ADCY7: variants seen among roughly 807,000 people sequenced by gnomAD.
ADCY7 encodes adenylate cyclase 7.
Under a neutral mutation model 120.6 loss-of-function variants are expected in ADCY7, and 72 were observed. The observed-to-expected ratio is 0.60, with a 90% CI of 0.49 to 0.73. The LOEUF (loss-of-function observed/expected upper bound fraction) is 0.73, where lower values mean the gene tolerates loss of function less well. ADCY7 is among the 30% of genes least tolerant of loss of function. The pLI, the probability that ADCY7 is intolerant of heterozygous loss-of-function variation, is 0.00. For synonymous variants in ADCY7, 661 were observed against 628.0 expected (o/e 1.05, Z -0.78); for missense variants, 1,227 against 1,486.0 (o/e 0.83, Z 2.87).
At chr16:50,245,446 C>A (rs927817686), upstream of ADCY7, among the ~76,000 whole-genome samples, 3 of 152,126 alleles carry the variant, frequency 2.0e-5, no homozygotes, top group Non-Finnish European at 4.4e-5. Flanking sequence ...TCTGCCCCTC[C>A]CAGGGTGACT....
At chr16:50,259,047 T>C (rs926406646) in intron 1 of ADCY7, among the ~76,000 whole-genome samples, 1 of 152,202 alleles carries the variant, frequency 6.6e-6, no homozygotes, top group South Asian at 2.1e-4. Context: ...GTTTTCCTCC[T>C]CTGTTAATTA....
At chr16:50,250,649 A>G (rs965285329) in intron 1 of ADCY7, among the ~76,000 whole-genome samples, 1 of 152,028 alleles carries the variant, frequency 6.6e-6, no homozygotes. Flanking sequence ...AAAATGCAGT[A>G]TGTGAGCATA....
At chr16:50,314,892 C>A in intron 24 of ADCY7, 122 bp from the exon 25 acceptor site, 2 of 1,381,288 alleles carry the variant, frequency 1.4e-6, no homozygotes, top group Non-Finnish European at 2.0e-6. Flanking sequence ...AGCAACCCAG[C>A]CTTCACTCTA....
intron 8 of ADCY7, among the ~76,000 whole-genome samples, chr16:50,299,745 C>T (rs2151012767): frequency 6.6e-6 from 1 of 152,330 alleles, no homozygotes; most frequent in Middle Eastern, 3.4e-3. Context: ...TCAGGCTGGC[C>T]CCTGCCCTGT....
Position 50,301,221 on chromosome 16 carries a change from G to T in ADCY7, c.1368+7G>T. On this transcript the variant is annotated splice_region_variant and intron_variant, in intron 10 of 25. Coordinates refer to ENST00000673801, the MANE Select transcript of ADCY7 (RefSeq NM_001114.5). ...CCTGGTCATCGACCCCCGGGTACGA[G>T]GGCTCAGAGGCCGCAGCTGGGGGGG... 1.3e-6 allele frequency: 2 copies of T among 1,577,634 alleles called. No homozygotes were observed. The highest frequency in any genetic ancestry group is 1.7e-6 in the Non-Finnish European group (2 of 1,162,572).
In ADCY7 at chr16:50,301,206, G is replaced by A. The variant is rs746900335; in HGVS notation, c.1360G>A (p.Asp454Asn). Residue 454 changes from aspartate to asparagine, a missense_variant, in exon 10 of 26, where the codon GAC (aspartate) becomes AAC (asparagine). Transcript: ENST00000673801. ...EMNIRTYLVI[D>N]PRSQQPPPPS... ...GAACATCCGCACCTACCTGGTCATCGACCCCCGGGTACGAGGGCTCAGAGG... is the reference window on the plus strand; with the variant it reads ...GAACATCCGCACCTACCTGGTCATCAACCCCCGGGTACGAGGGCTCAGAGG... The A allele has an allele frequency of 1.2e-4, 192 of 1,594,434 alleles. No homozygotes were observed. The highest frequency in any genetic ancestry group is 1.6e-4 in the Non-Finnish European group (183 of 1,170,760).
At position 50,294,243 on chromosome 16, in the gene ADCY7, G is replaced by A. The variant is rs538982851; in HGVS notation, c.837-397G>A. 2.6e-5 allele frequency among the ~76,000 whole-genome samples: 4 copies of A among 152,310 alleles called. No individual in the cohort carries two copies. The East Asian group carries it at 7.7e-4, about 29-fold the overall frequency. ...GAGGACTCGATGCCTGTAAAGTGCT[G>A]GGTGTGGAGGTTGGCTTGAGGGAGC... On this transcript the variant is annotated intron_variant, in intron 6 of 25. Coordinates refer to ENST00000673801, the MANE Select transcript of ADCY7 (RefSeq NM_001114.5).
At chr16:50,304,601 G>C (rs776454624) in intron 11 of ADCY7, 50 bp downstream of exon 11, 1 of 1,490,610 alleles carries the variant, frequency 6.7e-7, no homozygotes, top group Non-Finnish European at 9.0e-7. Context: ...CCCAAGCCAG[G>C]AGCAGGAGAG....
chr16:50,250,839 C>G (rs961452565), intron 1 of ADCY7, among the ~76,000 whole-genome samples: 1 of 152,036 alleles, frequency 6.6e-6, no homozygotes, highest in South Asian at 2.1e-4. Flanking sequence ...TAGAATGAGG[C>G]AAAATTGTAC....
intron 1 of ADCY7, among the ~76,000 whole-genome samples, chr16:50,281,884 T>G (rs558539264): frequency 6.6e-6 from 1 of 152,082 alleles, no homozygotes; most frequent in Non-Finnish European, 1.5e-5. Flanking sequence ...CGCGTTAATA[T>G]GAGATTCCCT....
At chr16:50,259,807 C>T (rs1262605592) in intron 1 of ADCY7, among the ~76,000 whole-genome samples, 1 of 152,184 alleles carries the variant, frequency 6.6e-6, no homozygotes, top group Non-Finnish European at 1.5e-5. Context: ...AGGACCACCA[C>T]TGATTAGGGG....
At chr16:50,312,517 T>C (rs1185453191) in intron 21 of ADCY7, among the ~76,000 whole-genome samples, 3 of 152,210 alleles carry the variant, frequency 2.0e-5, no homozygotes, top group Admixed American at 6.5e-5. Context: ...CTGGACATTC[T>C]GTGTTGATGA....
At chr16:50,282,557 C>A (rs963581408) in intron 1 of ADCY7, among the ~76,000 whole-genome samples, 1 of 152,106 alleles carries the variant, frequency 6.6e-6, no homozygotes, top group Non-Finnish European at 1.5e-5. Context: ...GGAAGTAATT[C>A]GATGGGGTCC....
In ADCY7 at chr16:50,304,367, A is replaced by G; in HGVS notation, c.1376A>G (p.Gln459Arg). 6.6e-7 allele frequency: 1 copy of G among 1,520,904 alleles called. No homozygotes were observed. Among genetic ancestry groups the G allele is most frequent in the Admixed American group, 2.0e-5 (1 of 48,906 alleles). The allele number at this position is 1,520,904 out of a possible 1,614,324, so 94.2% of individuals were successfully genotyped here. The change falls in exon 11 of 26, where the codon CAG (glutamine) becomes CGG (arginine). Residue 459 changes from glutamine (Q) to arginine (R), a missense_variant. Physicochemically the swap from Gln to Arg is conservative, Grantham distance 43. Transcript: ENST00000673801. ...TYLVIDPRSQ[Q>R]PPPPSQHLPR... Reference sequence around the variant, plus strand: ...GTCCATGTCTGCCCGCAGAGCCAGCAGCCACCCCCGCCCAGCCAACACCTC... The same window carrying G: ...GTCCATGTCTGCCCGCAGAGCCAGCGGCCACCCCCGCCCAGCCAACACCTC...
rs550937602 is a variant in ADCY7 at position 50,275,626 on chromosome 16, A to G, written c.-269+8946A>G. 1.8e-4 allele frequency among the ~76,000 whole-genome samples: 27 copies of G among 152,278 alleles called. No homozygotes were observed. In the South Asian group the frequency reaches 2.1e-3, roughly 12 times the overall value. On this transcript the variant is annotated intron_variant, in intron 1 of 25. Transcript: ENST00000673801. ...GGGGGATCTTTAAATGGGGAAGAGG[A>G]GAATGTTGAGCTCAGCACCACCTGT...
chr16:50,287,756 G>A (rs549308913), intron 1 of ADCY7, 156 bp from the exon 2 acceptor site: 5 of 163,332 alleles, frequency 3.1e-5, no homozygotes, highest in East Asian at 1.8e-4. Context: ...AGACACAGGG[G>A]ACTAGCTTTA....
At position 50,297,751 on chromosome 16, in the gene ADCY7, G is replaced by A. The variant is rs1212164910; in HGVS notation, c.949-1153G>A. Among the ~76,000 whole-genome samples the A allele has an allele frequency of 1.3e-5, 2 of 152,186 alleles. No homozygotes were observed. Among genetic ancestry groups the A allele is most frequent in the Non-Finnish European group, 2.9e-5 (2 of 68,030 alleles). ...GGCTCGAGTCCTGGAGACAGATGGT[G>A]TTCCAGGAGCAGGCCTAGCCCTCGT... On this transcript the variant is annotated intron_variant, in intron 7 of 25. Coordinates refer to ENST00000673801, the MANE Select transcript of ADCY7 (RefSeq NM_001114.5). The surrounding 1 kb of genome is among the most constrained non-coding windows in gnomAD (Gnocchi z 4.4).
intron 1 of ADCY7, among the ~76,000 whole-genome samples, chr16:50,268,845 T>C (rs2150825743): frequency 1.3e-5 from 2 of 152,240 alleles, no homozygotes; most frequent in South Asian, 2.1e-4. Flanking sequence ...GAGACCAGCC[T>C]GGGCAACATG....
chr16:50,311,845 C>G, intron 20 of ADCY7, 59 bp downstream of exon 20: 3 of 1,304,498 alleles, frequency 2.3e-6, no homozygotes, highest in Non-Finnish European at 3.3e-6. Flanking sequence ...TCACCTCCAT[C>G]TGGAGATGGG....
Sources: allele counts gnomAD v4.1 joint callset (sites outside exome capture counted in the v4.1 genomes callset), GRCh38; gene constraint gnomAD v4.1.1; non-coding constraint Gnocchi (gnomAD v3.1); transcripts MANE v1.5; gene names NCBI Gene and HGNC (gene_info 2026-07-23, HGNC 2026-07-21).